The following XPO6 variants were observed in gnomAD, a reference collection of about 807,000 sequenced individuals.
XPO6 encodes exportin-6.
Under a neutral mutation model 130.0 loss-of-function variants are expected in XPO6, and 3 were observed. That is an observed-to-expected ratio of 0.02 (90% CI 0.01 to 0.06). The LOEUF is 0.06. XPO6 is among the 10% of genes least tolerant of loss of function. The pLI, the probability that XPO6 is intolerant of heterozygous loss-of-function variation, is 1.00. For synonymous variants in XPO6, 524 were observed against 548.9 expected (o/e 0.95, Z 0.63); for missense variants, 970 against 1,393.0 (o/e 0.70, Z 4.83).
intron 1 of XPO6, among the ~76,000 whole-genome samples, chr16:28,181,499 G>C (rs1353566580): frequency 7.0e-6 from 1 of 143,306 alleles, no homozygotes; most frequent in Non-Finnish European, 1.5e-5. Context: ...AGGGGTTTGG[G>C]GGGTAACCAG....
chr16:28,135,389 C>G, intron 9 of XPO6, 65 bp from the exon 10 acceptor site: 1 of 1,284,358 alleles, frequency 7.8e-7, no homozygotes, highest in Non-Finnish European at 1.1e-6. Flanking sequence ...GAAAATGCCT[C>G]CTGCACTATA....
chr16:28,174,154 T>C (rs940699407), intron 4 of XPO6, among the ~76,000 whole-genome samples: 1 of 152,132 alleles, frequency 6.6e-6, no homozygotes, highest in African/African-American at 2.4e-5. Context: ...GGGAAGTGTC[T>C]CCCACCTCGT....
chr16:28,175,913 A>G lies in XPO6; in HGVS notation c.390T>C (p.Phe130=), dbSNP rs1318759675. Residue 130 remains phenylalanine (F), a synonymous_variant, in exon 4 of 24, where the codon TTT becomes TTC. Coordinates refer to ENST00000304658, the MANE Select transcript of XPO6 (RefSeq NM_015171.4). ...ATATCCTTACCTGTAAAATGTTAGT[A>G]AAAAAGTCGTGGTAGAACATGGGCC... ...QDWPMFYHDF[F]TNILQLIQSP... The G allele has an allele frequency of 6.2e-7, 1 of 1,613,998 alleles. No homozygotes were observed. The highest frequency in any genetic ancestry group is 1.7e-5 in the Admixed American group (1 of 60,028).
chr16:28,205,930 C>T (rs895225978), intron 1 of XPO6, among the ~76,000 whole-genome samples: 1 of 147,328 alleles, frequency 6.8e-6, no homozygotes, highest in Non-Finnish European at 1.5e-5. Flanking sequence ...CCCAGCTACT[C>T]GGGAGGCTGA....
At chr16:28,109,813 A>C (rs2086875010) in intron 17 of XPO6, among the ~76,000 whole-genome samples, 1 of 152,246 alleles carries the variant, frequency 6.6e-6, no homozygotes, top group African/African-American at 2.4e-5. Flanking sequence ...ATATGGCTAC[A>C]TTTTAAATAA....
intron 16 of XPO6, 135 bp from the exon 17 acceptor site, chr16:28,112,141 G>A (rs563561053): frequency 7.9e-6 from 8 of 1,019,044 alleles, no homozygotes; most frequent in African/African-American, 4.8e-5. Context: ...TGCAACCTGG[G>A]CAAGGCCTTT....
At chr16:28,102,310 CCTT>C (rs1324699413) in intron 21 of XPO6, among the ~76,000 whole-genome samples, 3 of 152,166 alleles carry the variant, frequency 2.0e-5, no homozygotes, top group Admixed American at 6.5e-5. Context: ...CCCTTGCCCT[CCTT>C]CTTGCATCCC....
At chr16:28,154,138 G>A in intron 7 of XPO6, 1 of 984,260 alleles carries the variant, frequency 1.0e-6, no homozygotes, top group Non-Finnish European at 1.2e-6. Context: ...ATACTCAAGA[G>A]TAGGAACTCC....
At chr16:28,160,772 G>A (rs1297957535) in intron 6 of XPO6, among the ~76,000 whole-genome samples, 1 of 152,076 alleles carries the variant, frequency 6.6e-6, no homozygotes, top group East Asian at 1.9e-4. Flanking sequence ...AAGCTCTTAG[G>A]AGCATTACTT....
intron 5 of XPO6, chr16:28,167,187 C>A: frequency 1.0e-6 from 1 of 985,442 alleles, no homozygotes; most frequent in Non-Finnish European, 1.2e-6. Context: ...ATACACCAAG[C>A]TCTGCCTCAC....
chr16:28,104,482 C>T, intron 21 of XPO6, 64 bp downstream of exon 21: 1 of 1,578,380 alleles, frequency 6.3e-7, no homozygotes, highest in Non-Finnish European at 8.7e-7. Flanking sequence ...GCTTCGAAGA[C>T]AGGACTCGCT....
chr16:28,207,701 C>T (rs1004039600), intron 1 of XPO6, among the ~76,000 whole-genome samples: 1 of 152,202 alleles, frequency 6.6e-6, no homozygotes, highest in Non-Finnish European at 1.5e-5. Flanking sequence ...AGAGCACAGG[C>T]TCCGGAGTAC....
intron 17 of XPO6, among the ~76,000 whole-genome samples, chr16:28,110,260 C>T (rs2086886365): frequency 6.6e-6 from 1 of 152,220 alleles, no homozygotes. Flanking sequence ...CAAACCCTTT[C>T]AGCACACAGT....
In XPO6 at chr16:28,151,399, CA is replaced by C. The variant is rs143727357; in HGVS notation, c.1224+1259del. On this transcript the variant is annotated intron_variant, in intron 8 of 23. Coordinates refer to ENST00000304658, the MANE Select transcript of XPO6 (RefSeq NM_015171.4). Reference sequence around the variant, plus strand: ...AACAACAGCACAACGAAAATCAACACATGACTGCCACACACAACGCAAACGA... The same window carrying C: ...AACAACAGCACAACGAAAATCAACACTGACTGCCACACACAACGCAAACGA... Among the ~76,000 whole-genome samples the C allele has an allele frequency of 2.0e-4, 31 of 152,322 alleles. No homozygotes were observed. In the East Asian group the frequency reaches 5.6e-3, roughly 27 times the overall value.
At chr16:28,201,639 G>A (rs1036745568) in intron 1 of XPO6, among the ~76,000 whole-genome samples, 2 of 152,166 alleles carry the variant, frequency 1.3e-5, no homozygotes, top group Non-Finnish European at 1.5e-5. Context: ...GGTGGATCAC[G>A]AGGTCAGGAG....
intron 6 of XPO6, 116 bp from the exon 7 acceptor site, chr16:28,156,643 G>T: frequency 1.7e-6 from 1 of 599,330 alleles, no homozygotes; most frequent in Non-Finnish European, 2.5e-6. Flanking sequence ...TATCAGTTTA[G>T]TTACCTATGA....
intron 6 of XPO6, among the ~76,000 whole-genome samples, chr16:28,159,889 G>A (rs879693417): frequency 5.9e-5 from 9 of 152,190 alleles, no homozygotes; most frequent in East Asian, 3.9e-4. Context: ...TTTTTGTTAC[G>A]TTTAGGTAAA....
rs1233522570 is a variant in XPO6, at chr16:28,146,082, TGAG to T, written c.1334+9_1334+11del. ...ATGACCATATCTAGTTTTCAGTGTT[TGAG>T]GAGTTTACCTGTTGAGAACTGCTTC... is the stretch of plus-strand genomic sequence containing the variant. On this transcript the variant is annotated intron_variant, in intron 9 of 23. Transcript: ENST00000304658. The T allele has an allele frequency of 6.3e-7, 1 of 1,592,878 alleles. No individual in the cohort carries two copies. The highest frequency in any genetic ancestry group is 1.3e-5 in the African/African-American group (1 of 74,484).
At position 28,152,640 on chromosome 16, in the gene XPO6, G is replaced by T; in HGVS notation, c.1224+19C>A. 1 of 1,597,798 alleles carries T rather than the reference G, an allele frequency of 6.3e-7. No homozygotes were observed. The highest frequency in any genetic ancestry group is 1.2e-5 in the South Asian group (1 of 86,682). On this transcript the variant is annotated intron_variant, in intron 8 of 23. Transcript: ENST00000304658. ...ATAAACCTTTTCTCTGGAAGGGAAG[G>T]ATGACTTTGGTGCTTTACCTGATGA...
Sources: gnomAD v4.1 joint callset for allele counts (sites outside exome capture counted in the v4.1 genomes callset) on GRCh38, gnomAD v4.1.1 for gene constraint, MANE v1.5 for transcripts, NCBI Gene and HGNC (gene_info 2026-07-23, HGNC 2026-07-21) for gene names.